The following CPAMD8 variants were observed in gnomAD, a reference collection of about 807,000 sequenced individuals.
The protein encoded by CPAMD8 is C3 and PZP-like alpha-2-macroglobulin domain-containing protein 8.
Under a neutral mutation model 224.7 loss-of-function variants are expected in CPAMD8, and 146 were observed. That is an observed-to-expected ratio of 0.65 (90% CI 0.57 to 0.75). The LOEUF is 0.75. Among genes scored for constraint, CPAMD8 ranks in the 30% least tolerant of loss-of-function variants. The probability of loss-of-function intolerance (pLI) is 0.00; values close to 1 mark genes in which losing one functional copy is unlikely to be tolerated. For synonymous variants in CPAMD8, 966 were observed against 1,044.6 expected, an observed-to-expected ratio of 0.92 and a Z score of 1.45; for missense variants, 2,301 against 2,537.5, an observed-to-expected ratio of 0.91 and a Z score of 2.00.
intron 18 of CPAMD8, among the ~76,000 whole-genome samples, chr19:16,962,128 C>T (rs976376984): frequency 2.0e-5 from 3 of 152,196 alleles, no homozygotes; most frequent in Non-Finnish European, 4.4e-5. Context: ...CTGCGCGCCT[C>T]TTCTCCTCCA....
chr19:16,996,780 C>G (rs571766910), intron 11 of CPAMD8, among the ~76,000 whole-genome samples: 3 of 144,186 alleles, frequency 2.1e-5, no homozygotes, highest in Non-Finnish European at 4.5e-5. Context: ...GATGGAGCCA[C>G]TGCACTCCAG....
In CPAMD8 at chr19:16,906,398, CTTTCT is replaced by C. The variant is rs1568459796; in HGVS notation, c.4027+549_4027+553del. On this transcript the variant is annotated intron_variant, in intron 30 of 41. Coordinates refer to ENST00000443236, the MANE Select transcript of CPAMD8 (RefSeq NM_015692.5). Reference sequence around the variant, plus strand: ...TCTTTCTTTCTTTCTTTCTTTCTTTCTTTCTTTCTTTCCTTCCTTCCTTCCTTCCT... The same window carrying C: ...TCTTTCTTTCTTTCTTTCTTTCTTTCTTCTTTCCTTCCTTCCTTCCTTCCT... 2.1e-3 allele frequency among the ~76,000 whole-genome samples: 211 copies of C among 98,728 alleles called. 1 individual carries two copies. Among genetic ancestry groups the C allele is most frequent in the African/African-American group, 6.7e-3 (177 of 26,240 alleles). The allele number at this position is 98,728 out of a possible 152,430, so 64.8% of individuals were successfully genotyped here. A position where few individuals can be genotyped will look rare whatever the true frequency, so the allele number is the denominator to read the frequency against.
chr19:17,007,654 G>A (rs979807390), intron 7 of CPAMD8, among the ~76,000 whole-genome samples: 1 of 152,062 alleles, frequency 6.6e-6, no homozygotes, highest in African/African-American at 2.4e-5. Context: ...GCCTGGGTGT[G>A]TGCATGGCCA....
intron 20 of CPAMD8, among the ~76,000 whole-genome samples, chr19:16,951,458 C>T (rs923069472): frequency 6.6e-6 from 1 of 152,170 alleles, no homozygotes; most frequent in Non-Finnish European, 1.5e-5. Context: ...TATTGGAACA[C>T]AGCCATATCT....
In CPAMD8 at chr19:16,928,992, A is replaced by G; in HGVS notation, c.3094T>C (p.Trp1032Arg). The G allele has an allele frequency of 6.2e-7, 1 of 1,614,040 alleles. No individual in the cohort carries two copies. Among genetic ancestry groups the G allele is most frequent in the Non-Finnish European group, 8.5e-7 (1 of 1,179,966 alleles). ...ASAHTAKILS[W>R]DEFRTFWISW... Reference sequence around the variant, plus strand: ...ATCCAGAATGTTCTGAATTCATCCCAGGAGAGGATCTTGGCCGTGTGTGCA... The same window carrying G: ...ATCCAGAATGTTCTGAATTCATCCCGGGAGAGGATCTTGGCCGTGTGTGCA... Residue 1032 changes from tryptophan (W) to arginine (R), a missense_variant, in exon 24 of 42, where the codon TGG becomes CGG. This residue lies in a region of CPAMD8 where 1,709 missense variants were observed against 1,753.2 expected (regional missense o/e 0.97). Coordinates refer to ENST00000443236, the MANE Select transcript of CPAMD8 (RefSeq NM_015692.5).
intron 7 of CPAMD8, among the ~76,000 whole-genome samples, chr19:17,004,980 G>A (rs1393545147): frequency 6.7e-6 from 1 of 149,062 alleles, no homozygotes; most frequent in Non-Finnish European, 1.5e-5. Context: ...GAGAGAGAGA[G>A]AGAAACAGAC....
At chr19:16,931,546 C>T (rs568696427) in intron 23 of CPAMD8, among the ~76,000 whole-genome samples, 2 of 152,320 alleles carry the variant, frequency 1.3e-5, no homozygotes, top group South Asian at 4.1e-4. Flanking sequence ...AAGCCCACTG[C>T]CCAGGGGCTC....
intron 13 of CPAMD8, among the ~76,000 whole-genome samples, chr19:16,983,876 T>C (rs2055609481): frequency 6.6e-6 from 1 of 152,116 alleles, no homozygotes; most frequent in African/African-American, 2.4e-5. Flanking sequence ...AAAATTTATA[T>C]GAAAACACAA....
At position 16,902,736 on chromosome 19, in the gene CPAMD8, C is replaced by T. The variant is rs199883186; in HGVS notation, c.4598G>A (p.Arg1533Gln). Residue 1533 changes from arginine to glutamine, a missense_variant, in exon 35 of 42, where the codon CGA becomes CAA. Physicochemically the swap from Arg to Gln is conservative, Grantham distance 43. Transcript: ENST00000443236. ...ATCGTCAGCTGGGGGCCAGTCTCCT[C>T]GGGAACCCTCAGCTGCGGAGGCAGG... is the stretch of plus-strand genomic sequence containing the variant. ...PMPASAAEGS[R>Q]GDWPPADDDD... The T allele has an allele frequency of 1.5e-3, 2,371 of 1,599,612 alleles. 53 individuals are homozygous for T. In the South Asian group the frequency reaches 0.024, roughly 16 times the overall value.
At chr19:16,950,371 C>G (rs930801780) in intron 20 of CPAMD8, among the ~76,000 whole-genome samples, 1 of 152,182 alleles carries the variant, frequency 6.6e-6, no homozygotes, top group East Asian at 1.9e-4. Flanking sequence ...GAAGTACATG[C>G]CCCACCAAAA....
chr19:16,973,051 C>T (rs139401648), intron 17 of CPAMD8, among the ~76,000 whole-genome samples: 212 of 152,022 alleles, frequency 1.4e-3, no homozygotes, highest in African/African-American at 4.9e-3. Context: ...TGTCTGTGGT[C>T]CCAGCTACTC....
chr19:16,947,353 T>TC (rs1307565084), intron 20 of CPAMD8, 126 bp from the exon 21 acceptor site: 2 of 1,199,128 alleles, frequency 1.7e-6, no homozygotes, highest in East Asian at 2.5e-5. Flanking sequence ...AGAGCCATGC[T>TC]CCCCCCGGGA....
At chr19:16,953,242 A>G (rs1294759628) in intron 19 of CPAMD8, among the ~76,000 whole-genome samples, 1 of 152,186 alleles carries the variant, frequency 6.6e-6, no homozygotes, top group Non-Finnish European at 1.5e-5. Flanking sequence ...TTGAAAGTAA[A>G]AACTAAAACT....
Position 16,929,874 on chromosome 19 carries a change from A to G in CPAMD8, c.2846-634T>C, listed in dbSNP as rs551200459. Among the ~76,000 whole-genome samples, 11 of 152,308 alleles carry G rather than the reference A, an allele frequency of 7.2e-5. No homozygotes were observed. The South Asian group carries it at 2.3e-3, about 32-fold the overall frequency. On this transcript the variant is annotated intron_variant, in intron 23 of 41. Coordinates refer to ENST00000443236, the MANE Select transcript of CPAMD8 (RefSeq NM_015692.5). ...CATGAACATTAGAGTTCTTCCCCAG[A>G]TGGTTCTACAGATTCAAAGCAATCC...
chr19:16,896,889 G>T (rs888667717), intron 39 of CPAMD8: 3 of 397,126 alleles, frequency 7.6e-6, no homozygotes, highest in Non-Finnish European at 1.3e-5. Flanking sequence ...TTAAAAAGCG[G>T]TTGTAGGAGA....
intron 20 of CPAMD8, among the ~76,000 whole-genome samples, chr19:16,948,778 G>A (rs1036748297): frequency 2.6e-4 from 37 of 142,554 alleles, no homozygotes; most frequent in South Asian, 5.1e-4. Context: ...GAAAAGACGG[G>A]AAAGGAGGGG....
At position 16,903,561 on chromosome 19, in the gene CPAMD8, C is replaced by T; in HGVS notation, c.4470G>A (p.Gln1490=). ...CACCTCGTGCTCCCCAAAACCTCAC[C>T]TGCATCAGGCAGCAGCCGTCCCCCT... The part of the protein sequence containing the change: ...SAKGDGCCLM[Q]IDVTYNVPDP... Residue 1490 remains glutamine (Q), a splice_region_variant and synonymous_variant, in exon 34 of 42, where the codon CAG becomes CAA. Coordinates refer to ENST00000443236, the MANE Select transcript of CPAMD8 (RefSeq NM_015692.5). 6.2e-7 allele frequency: 1 copy of T among 1,614,102 alleles called. No individual in the cohort carries two copies. Among genetic ancestry groups the T allele is most frequent in the Non-Finnish European group, 8.5e-7 (1 of 1,180,002 alleles).
intron 3 of CPAMD8, among the ~76,000 whole-genome samples, chr19:17,014,246 A>G (rs556931398): frequency 1.7e-4 from 26 of 151,712 alleles, no homozygotes; most frequent in Non-Finnish European, 2.8e-4. Flanking sequence ...TTTGGTAGAG[A>G]TGGGGTCTCA....
chr19:16,949,362 C>A (rs1386949232), intron 20 of CPAMD8, among the ~76,000 whole-genome samples: 1 of 152,114 alleles, frequency 6.6e-6, no homozygotes, highest in Non-Finnish European at 1.5e-5. Flanking sequence ...TAGGGGCCAA[C>A]CTACAGGTCA....
Sources: gnomAD v4.1 joint callset for allele counts (sites outside exome capture counted in the v4.1 genomes callset) on GRCh38, gnomAD v4.1.1 for gene constraint, gnomAD v4.1.1 regional missense constraint, MANE v1.5 for transcripts, NCBI Gene and HGNC (gene_info 2026-07-23, HGNC 2026-07-21) for gene names.